Variants in RSRC1 observed in about 807,000 individuals in gnomAD.
RSRC1 encodes serine/Arginine-related protein 53.
In RSRC1, 39 loss-of-function variants were observed where a neutral mutation model predicts 49.1. The ratio of observed to expected loss-of-function variants is 0.79; its 90% CI spans 0.61 to 1.04. The LOEUF is 1.04. RSRC1 is among the 50% of genes least tolerant of loss of function. RSRC1 has a pLI of 0.00. For synonymous variants in RSRC1, 143 were observed against 130.8 expected (o/e 1.09, Z -0.63); for missense variants, 388 against 402.4 (o/e 0.96, Z 0.31).
intron 2 of RSRC1, among the ~76,000 whole-genome samples, chr3:158,123,256 C>T (rs1715399760): frequency 1.3e-5 from 2 of 152,192 alleles, no homozygotes; most frequent in Non-Finnish European, 2.9e-5. Context: ...ATCTGCCCTC[C>T]TCAGCCTCCC....
intron 3 of RSRC1, among the ~76,000 whole-genome samples, chr3:158,127,237 TTTC>T (rs1715686716): frequency 6.6e-6 from 1 of 152,136 alleles, no homozygotes; most frequent in Non-Finnish European, 1.5e-5. Flanking sequence ...TTCATTTCTG[TTTC>T]TTCTTCTTAA....
chr3:158,393,404 G>C (rs765498344), intron 6 of RSRC1, among the ~76,000 whole-genome samples: 1 of 151,698 alleles, frequency 6.6e-6, no homozygotes, highest in Non-Finnish European at 1.5e-5. Flanking sequence ...TTCTTTGAAA[G>C]AATAAGATTG....
rs558604787 is a variant in RSRC1, at chr3:158,491,130, A to G, written c.652+30127A>G. On this transcript the variant is annotated intron_variant, in intron 7 of 9. Coordinates refer to ENST00000611884, the MANE Select transcript of RSRC1 (RefSeq NM_001271838.2). ...CTGATAATTTTATCATAGTTTTCCC[A>G]GTTAATGTGGCTTATATGATAGCTA... Among the ~76,000 whole-genome samples the G allele has an allele frequency of 3.3e-5, 5 of 152,324 alleles. No homozygotes were observed. In the South Asian group the frequency reaches 1.0e-3, roughly 32 times the overall value.
At chr3:158,291,559 G>A (rs1350482145) in intron 4 of RSRC1, among the ~76,000 whole-genome samples, 1 of 152,174 alleles carries the variant, frequency 6.6e-6, no homozygotes, top group African/African-American at 2.4e-5. Context: ...GGATTGAGGT[G>A]ATAGGGAATG....
Position 158,227,481 on chromosome 3 carries a change from G to GACA in RSRC1, c.494+24238_494+24239insAAC, listed in dbSNP as rs1328643242. On this transcript the variant is annotated intron_variant, in intron 4 of 9. Coordinates refer to ENST00000611884, the MANE Select transcript of RSRC1 (RefSeq NM_001271838.2). ...TCTTCCTCCCTTGATTTTTGTTATT[G>GACA]ACTATATAAACCTTTGTGCAAAGGA... Among the ~76,000 whole-genome samples the GACA allele has an allele frequency of 2.7e-5, 4 of 150,832 alleles. No homozygotes were observed. The East Asian group carries it at 7.9e-4, about 30-fold the overall frequency.
intron 3 of RSRC1, among the ~76,000 whole-genome samples, chr3:158,201,134 G>A (rs73874327): frequency 0.077 from 11,668 of 151,968 alleles, 545 homozygotes; most frequent in South Asian, 0.13. Flanking sequence ...AAAATTCTAG[G>A]TTGACCTTTT....
intron 4 of RSRC1, among the ~76,000 whole-genome samples, chr3:158,263,626 C>T (rs1391493669): frequency 6.6e-6 from 1 of 152,008 alleles, no homozygotes; most frequent in East Asian, 1.9e-4. Flanking sequence ...TTTGGTAAAA[C>T]TTAGGCATGA....
chr3:158,347,714 GCTGA>G (rs1242313590), intron 5 of RSRC1, among the ~76,000 whole-genome samples: 5 of 152,038 alleles, frequency 3.3e-5, no homozygotes, highest in South Asian at 4.2e-4. Context: ...GCAACTAATG[GCTGA>G]CTAATTGTTT....
intron 5 of RSRC1, among the ~76,000 whole-genome samples, chr3:158,324,849 CA>C (rs1427230474): frequency 7.2e-5 from 11 of 152,228 alleles, no homozygotes; most frequent in Non-Finnish European, 1.5e-4. Flanking sequence ...GTCCCATCAA[CA>C]GTGTAAAAGT....
chr3:158,232,845 A>G (rs1230949088), intron 4 of RSRC1, among the ~76,000 whole-genome samples: 2 of 152,162 alleles, frequency 1.3e-5, no homozygotes, highest in Non-Finnish European at 2.9e-5. Flanking sequence ...ATGCCTCTTT[A>G]CAAAAATCAG....
intron 7 of RSRC1, among the ~76,000 whole-genome samples, chr3:158,475,849 A>G (rs567890381): frequency 6.6e-6 from 1 of 152,146 alleles, no homozygotes; most frequent in Non-Finnish European, 1.5e-5. Context: ...GAAGAGTTGC[A>G]TGTCCCTCAC....
At chr3:158,199,810 C>CCA (rs1720923491) in intron 3 of RSRC1, among the ~76,000 whole-genome samples, 2 of 152,020 alleles carry the variant, frequency 1.3e-5, no homozygotes, top group Admixed American at 6.6e-5. Context: ...TTCCATATAT[C>CCA]TGGAGGTTTT....
rs117067633 is a variant in RSRC1, at chr3:158,348,067, G to A, written c.532-6790G>A. Among the ~76,000 whole-genome samples, 51 of 152,016 alleles carry A rather than the reference G, an allele frequency of 3.4e-4. No homozygotes were observed. The East Asian group carries it at 3.9e-3, about 11-fold the overall frequency. On this transcript the variant is annotated intron_variant, in intron 5 of 9. Coordinates refer to ENST00000611884, the MANE Select transcript of RSRC1 (RefSeq NM_001271838.2). ...TTCTTTGTTACCCTATCTTAATTTC[G>A]ATTTTTTGAAACATTGCACATCTAA...
intron 5 of RSRC1, among the ~76,000 whole-genome samples, chr3:158,305,380 C>T (rs1727782127): frequency 1.3e-5 from 2 of 152,016 alleles, no homozygotes; most frequent in South Asian, 4.1e-4. Context: ...TAAAGTAAAA[C>T]TAAATATTCT....
Position 158,429,311 on chromosome 3 carries a change from G to A in RSRC1, c.584-31624G>A, listed in dbSNP as rs190057247. On this transcript the variant is annotated intron_variant, in intron 6 of 9. Coordinates refer to ENST00000611884, the MANE Select transcript of RSRC1 (RefSeq NM_001271838.2). ...TTAACAAATAATAAATTAACTCTCC[G>A]TCAGTTAACCTGGAGAGATTTCCAT... 3.1e-3 allele frequency among the ~76,000 whole-genome samples: 459 copies of A among 149,556 alleles called. 2 individuals carry two copies. The highest frequency in any genetic ancestry group is 0.011 in the African/African-American group (441 of 40,330).
chr3:158,369,527 AT>A (rs1442186619), intron 6 of RSRC1, among the ~76,000 whole-genome samples: 1 of 152,162 alleles, frequency 6.6e-6, no homozygotes, highest in Admixed American at 6.5e-5. Context: ...AGGATCACTC[AT>A]TACATTTTAG....
intron 3 of RSRC1, among the ~76,000 whole-genome samples, chr3:158,141,116 C>T (rs1009107679): frequency 2.0e-5 from 3 of 152,176 alleles, no homozygotes; most frequent in Non-Finnish European, 4.4e-5. Context: ...AATGTCTAAG[C>T]AAAGTCTAAG....
intron 6 of RSRC1, among the ~76,000 whole-genome samples, chr3:158,453,268 A>G (rs1463359815): frequency 7.0e-6 from 1 of 142,008 alleles, no homozygotes; most frequent in Non-Finnish European, 1.5e-5. Flanking sequence ...CACATTTTCA[A>G]ACTCTTGTGC....
chr3:158,178,559 T>C (rs1324102313), intron 3 of RSRC1, among the ~76,000 whole-genome samples: 2 of 152,248 alleles, frequency 1.3e-5, no homozygotes, highest in Non-Finnish European at 2.9e-5. Flanking sequence ...CTGTTTATTT[T>C]CTCTTGTTAA....
Sources: gnomAD v4.1 joint callset for allele counts (sites outside exome capture counted in the v4.1 genomes callset) on GRCh38, gnomAD v4.1.1 for gene constraint, MANE v1.5 for transcripts, NCBI Gene and HGNC (gene_info 2026-07-23, HGNC 2026-07-21) for gene names.